Variants in ALDH3A2 observed in about 807,000 individuals in gnomAD.
The protein encoded by ALDH3A2 is aldehyde dehydrogenase family 3 member A2.
Under a neutral mutation model 51.3 loss-of-function variants are expected in ALDH3A2, and 36 were observed. The observed-to-expected ratio is 0.70, with a 90% CI of 0.54 to 0.93. The LOEUF (loss-of-function observed/expected upper bound fraction) is 0.93. Among genes scored for constraint, ALDH3A2 ranks in the 40% least tolerant of loss-of-function variants. The probability of loss-of-function intolerance (pLI) is 0.00; values close to 1 mark genes in which losing one functional copy is unlikely to be tolerated. For missense variants in ALDH3A2, 552 were observed against 603.1 expected, an observed-to-expected ratio of 0.92 and a Z score of 0.89; for synonymous variants, 199 against 219.8, an observed-to-expected ratio of 0.91 and a Z score of 0.84.
chr17:19,649,528 C>G, intron 1 of ALDH3A2: 1 of 174,186 alleles, frequency 5.7e-6, no homozygotes, highest in South Asian at 1.4e-4. Flanking sequence ...GAGTTGCATA[C>G]CAACTTGAAT....
At chr17:19,665,122 G>A (rs2085018562) in intron 8 of ALDH3A2, 75 bp downstream of exon 8, 2 of 1,305,390 alleles carry the variant, frequency 1.5e-6, no homozygotes, top group Non-Finnish European at 2.2e-6. Context: ...TGTATGGGCT[G>A]CTGAAATAGC....
intron 3 of ALDH3A2, chr17:19,655,404 G>T (rs1004493081): frequency 7.9e-5 from 12 of 152,200 alleles, no homozygotes; most frequent in Non-Finnish European, 1.5e-4. Context: ...CTTTGCCCCT[G>T]ACCAGGGGTA....
intron 9 of ALDH3A2, 59 bp downstream of exon 9, chr17:19,672,015 A>G (rs562968894): frequency 5.2e-5 from 74 of 1,429,968 alleles, no homozygotes; most frequent in Non-Finnish European, 7.0e-5. Flanking sequence ...TGGCTGCCAG[A>G]TGCATATTCT....
chr17:19,653,994 C>G (rs2067436868), intron 3 of ALDH3A2, among the ~76,000 whole-genome samples: 1 of 152,154 alleles, frequency 6.6e-6, no homozygotes, highest in South Asian at 2.1e-4. Context: ...ACTAGATTAG[C>G]TAGACACAGA....
chr17:19,664,786 A>G (rs910575945), intron 7 of ALDH3A2, among the ~76,000 whole-genome samples, 162 bp from the exon 8 acceptor site: 2 of 152,180 alleles, frequency 1.3e-5, no homozygotes, highest in African/African-American at 2.4e-5. Context: ...TTGTTTGTCT[A>G]TCTGGCATGG....
At position 19,657,810 on chromosome 17, in the gene ALDH3A2, G is replaced by C. The variant is rs148103086; in HGVS notation, c.746G>C (p.Cys249Ser). ...QTCIAPDYIL[C>S]EASLQNQIVW... Reference sequence around the variant, plus strand: ...TGCATTGCACCCGACTATATTCTCTGTGAAGCATCCCTCCAAAATCAAATT... The same window carrying C: ...TGCATTGCACCCGACTATATTCTCTCTGAAGCATCCCTCCAAAATCAAATT... The change falls in exon 5 of 10, where the codon TGT becomes TCT. Residue 249 changes from cysteine (C) to serine (S), a missense_variant. Cys to Ser is a moderately radical substitution (Grantham distance 112). Transcript: ENST00000176643. The C allele has an allele frequency of 6.2e-6, 10 of 1,614,022 alleles. No homozygotes were observed. Among genetic ancestry groups the C allele is most frequent in the Admixed American group, 1.7e-5 (1 of 60,018 alleles).
In ALDH3A2 at chr17:19,648,862, C is replaced by A; in HGVS notation, c.-110C>A. On this transcript the variant is annotated 5_prime_UTR_variant, in exon 1 of 10. Transcript: ENST00000176643. ...TGTGGCTGTGGGTTGACGGTGGAGA[C>A]ACCCCCCGGAGGGAGGCGGAGGGAA... 1 of 1,385,410 alleles carries A rather than the reference C, an allele frequency of 7.2e-7. No individual in the cohort carries two copies. Among genetic ancestry groups the A allele is most frequent in the Non-Finnish European group, 9.8e-7 (1 of 1,016,106 alleles). The allele number at this position is 1,385,410 out of a possible 1,614,324, so 85.8% of individuals were successfully genotyped here. A position where few individuals can be genotyped will look rare whatever the true frequency, so the allele number is the denominator to read the frequency against.
rs768290318 is a variant in ALDH3A2, at chr17:19,671,781, G to A, written c.1268G>A (p.Arg423His). 8 of 1,614,024 alleles carry A rather than the reference G, an allele frequency of 5.0e-6. No individual in the cohort carries two copies. In the East Asian group the frequency reaches 6.7e-5, roughly 13 times the overall value. ...AGTTTTGATACTTTTTCTCATCAGCGTCCCTGTTTATTAAAAAGTTTAAAG... is the reference window on the plus strand; with the variant it reads ...AGTTTTGATACTTTTTCTCATCAGCATCCCTGTTTATTAAAAAGTTTAAAG... Reference protein sequence around the residue: ...KHSFDTFSHQRPCLLKSLKRE... With the variant: ...KHSFDTFSHQHPCLLKSLKRE... The change falls in exon 9 of 10, where the codon CGT becomes CAT. Residue 423 changes from arginine to histidine, a missense_variant. Transcript: ENST00000176643.
In ALDH3A2 at chr17:19,656,450, A is replaced by G; in HGVS notation, c.556A>G (p.Asn186Asp). The change falls in exon 4 of 10, where the codon AAC becomes GAC. Residue 186 changes from asparagine (N) to aspartate (D), a missense_variant. Physicochemically the swap from Asn to Asp is conservative, Grantham distance 23 (BLOSUM62 1). Transcript: ENST00000176643. The stretch of plus-strand genomic sequence containing the variant: ...ATTTGACCACATTTTCTATACGGGA[A>G]ACACTGCGGTTGGCAAAATTGTCAT... ...QRFDHIFYTG[N>D]TAVGKIVMEA... 6.2e-7 allele frequency: 1 copy of G among 1,614,178 alleles called. No individual in the cohort carries two copies. Among genetic ancestry groups the G allele is most frequent in the Non-Finnish European group, 8.5e-7 (1 of 1,180,046 alleles).
chr17:19,662,482 C>T (rs1435620038), intron 6 of ALDH3A2, among the ~76,000 whole-genome samples: 2 of 152,146 alleles, frequency 1.3e-5, no homozygotes, highest in South Asian at 2.1e-4. Flanking sequence ...TTTTGGTTGA[C>T]GAGCCAGTTT....
At chr17:19,674,496 G>A (rs1012785311) in intron 9 of ALDH3A2, 9 of 152,082 alleles carry the variant, frequency 5.9e-5, no homozygotes, top group African/African-American at 2.2e-4. Flanking sequence ...AAAACCTTTA[G>A]CAGAAACAAA....
chr17:19,655,819 T>G (rs549723691), intron 3 of ALDH3A2, among the ~76,000 whole-genome samples: 37 of 152,344 alleles, frequency 2.4e-4, no homozygotes, highest in Admixed American at 1.3e-3. Flanking sequence ...AAATTGAGGC[T>G]CAGAGATGTT....
intron 1 of ALDH3A2, among the ~76,000 whole-genome samples, chr17:19,650,276 A>T (rs1463055772): frequency 6.7e-6 from 1 of 150,296 alleles, no homozygotes; most frequent in Non-Finnish European, 1.5e-5. Flanking sequence ...TGCTGATAAT[A>T]TTGTTACTTT....
Position 19,671,701 on chromosome 17 carries a change from G to T in ALDH3A2, c.1208-20G>T. The T allele has an allele frequency of 2.5e-6, 4 of 1,600,688 alleles. No homozygotes were observed. The highest frequency in any genetic ancestry group is 3.4e-6 in the Non-Finnish European group (4 of 1,167,824). On this transcript the variant is annotated intron_variant, in intron 8 of 9. Coordinates refer to ENST00000176643, the MANE Select transcript of ALDH3A2 (RefSeq NM_000382.3). ...CATCATCTACAGTGAAGCTTGTTTT[G>T]TCTGTTCCCTTTATTTCAGGTTCCA...
At chr17:19,652,730 A>G (rs2084833335) in intron 3 of ALDH3A2, 98 bp downstream of exon 3, 1 of 1,023,016 alleles carries the variant, frequency 9.8e-7, no homozygotes, top group Non-Finnish European at 1.5e-6. Context: ...CCGGGGACCC[A>G]ATTGCAGTCT....
chr17:19,665,345 A>G (rs2085021512), intron 8 of ALDH3A2, among the ~76,000 whole-genome samples: 2 of 151,510 alleles, frequency 1.3e-5, no homozygotes, highest in Admixed American at 1.3e-4. Flanking sequence ...ACCAAGAATC[A>G]GGTCTCAAAT....
At chr17:19,652,697 T>C (rs1477974216) in intron 3 of ALDH3A2, 65 bp downstream of exon 3, 1 of 1,358,758 alleles carries the variant, frequency 7.4e-7, no homozygotes, top group African/African-American at 1.4e-5. Context: ...TTTTATTTTC[T>C]TGCTATTGCA....
intron 3 of ALDH3A2, among the ~76,000 whole-genome samples, chr17:19,652,960 G>A (rs1304301808): frequency 1.3e-5 from 2 of 151,948 alleles, no homozygotes; most frequent in Non-Finnish European, 2.9e-5. Context: ...TGAGGGACTG[G>A]TACTGTGCTG....
chr17:19,652,298 G>A (rs1036993321), intron 2 of ALDH3A2, among the ~76,000 whole-genome samples: 6 of 152,210 alleles, frequency 3.9e-5, no homozygotes, highest in South Asian at 2.1e-4. Context: ...GGAGAAAAGC[G>A]ATAGAAAGCT....
Sources: allele counts gnomAD v4.1 joint callset (sites outside exome capture counted in the v4.1 genomes callset), GRCh38; gene constraint gnomAD v4.1.1; transcripts MANE v1.5; gene names NCBI Gene and HGNC (gene_info 2026-07-23, HGNC 2026-07-21).